The following SLC25A48 variants were observed in gnomAD, a reference collection of about 807,000 sequenced individuals.
The protein encoded by SLC25A48 is solute carrier family 25 member 48.
Under a neutral mutation model 32.2 loss-of-function variants are expected in SLC25A48, and 29 were observed. The observed-to-expected ratio is 0.90, with a 90% CI of 0.67 to 1.23. SLC25A48 has a LOEUF of 1.23. Ranked by LOEUF, SLC25A48 falls within the 50% of genes most tolerant of loss-of-function variation. The probability of loss-of-function intolerance (pLI) is 0.00; values close to 1 mark genes in which losing one functional copy is unlikely to be tolerated. For synonymous variants in SLC25A48, 164 were observed against 172.3 expected (o/e 0.95, Z 0.38); for missense variants, 399 against 422.7 (o/e 0.94, Z 0.49).
At chr5:135,743,075 T>C (rs1755547384) in intron 3 of SLC25A48, among the ~76,000 whole-genome samples, 6 of 9,894 alleles carry the variant, frequency 6.1e-4, no homozygotes, top group Non-Finnish European at 2.0e-3. Flanking sequence ...CTTCCCTTCA[T>C]TTTTTTTTTT....
At chr5:135,871,867 C>A in intron 5 of SLC25A48, 149 bp downstream of exon 5, 1 of 1,511,626 alleles carries the variant, frequency 6.6e-7, no homozygotes, top group Non-Finnish European at 8.9e-7. Context: ...CCTACTCTGT[C>A]CCCGGCCCTC....
chr5:135,785,443 T>G (rs1580876264), intron 3 of SLC25A48, among the ~76,000 whole-genome samples: 1 of 148,442 alleles, frequency 6.7e-6, no homozygotes, highest in Non-Finnish European at 1.5e-5. Context: ...CGGCGGGAGG[T>G]GGAACACCCC....
chr5:135,618,527 A>T (rs1752242402), intron 1 of SLC25A48, among the ~76,000 whole-genome samples: 1 of 151,584 alleles, frequency 6.6e-6, no homozygotes, highest in African/African-American at 2.4e-5. Flanking sequence ...TTGTGGTTTG[A>T]TGGTGTTCTG....
At chr5:135,855,909 CTTG>C (rs1760276706) in intron 4 of SLC25A48, among the ~76,000 whole-genome samples, 1 of 152,244 alleles carries the variant, frequency 6.6e-6, no homozygotes, top group African/African-American at 2.4e-5. Context: ...AGCTTCACTT[CTTG>C]TTGTGCGATG....
chr5:135,700,278 AG>A (rs1432303761), intron 3 of SLC25A48, among the ~76,000 whole-genome samples: 3 of 148,468 alleles, frequency 2.0e-5, no homozygotes, highest in African/African-American at 7.5e-5. Flanking sequence ...AGGCTGAGAC[AG>A]GAGAATTGCT....
chr5:135,735,734 G>C (rs4596379), intron 3 of SLC25A48, among the ~76,000 whole-genome samples: 41,942 of 152,016 alleles, frequency 0.28, 6,021 homozygotes, highest in East Asian at 0.45. Context: ...TGTGAATCTG[G>C]GGAGAGGGTA....
intron 3 of SLC25A48, among the ~76,000 whole-genome samples, chr5:135,731,376 G>C: frequency 6.6e-6 from 1 of 152,142 alleles, no homozygotes; most frequent in East Asian, 1.9e-4. Context: ...TGGGCTCAGA[G>C]GCATGACATT....
In SLC25A48 at chr5:135,874,073, C is replaced by T. The variant is rs1385053802; in HGVS notation, c.732C>T (p.Leu244=). ...ATPMDVVKSR[L]QADGVYLNKY... is the part of the protein sequence containing the mutation. ...CTATGGATGTCGTGAAAAGTCGACT[C>T]CAAGCTGATGGGGTTTATTTAAACA... is the stretch of plus-strand genomic sequence containing the variant. The change falls in exon 6 of 8, where the codon CTC becomes CTT. Residue 244 remains leucine, a synonymous_variant. Transcript: ENST00000681962. 1 of 1,529,890 alleles carries T rather than the reference C, an allele frequency of 6.5e-7. No individual in the cohort carries two copies. 94.8% of individuals were successfully genotyped at this position (1,529,890 alleles called of 1,614,324 possible). A position where few individuals can be genotyped will look rare whatever the true frequency, so the allele number is the denominator to read the frequency against.
rs527606103 is a variant in SLC25A48 at position 135,756,366 on chromosome 5, A to G, written c.-520-56157A>G. On this transcript the variant is annotated intron_variant, in intron 3 of 10. Coordinates refer to the SLC25A48 transcript ENST00000646290. Reference sequence around the variant, plus strand: ...ATATCATCTATATGATATTTACAATACCTAGTGATAACACACTATAATATT... The same window carrying G: ...ATATCATCTATATGATATTTACAATGCCTAGTGATAACACACTATAATATT... Among the ~76,000 whole-genome samples the G allele has an allele frequency of 2.0e-5, 3 of 152,252 alleles. No individual in the cohort carries two copies. In the South Asian group the frequency reaches 6.2e-4, roughly 32 times the overall value.
At chr5:135,585,840 C>T (rs1364627517) in intron 1 of SLC25A48, among the ~76,000 whole-genome samples, 1 of 152,022 alleles carries the variant, frequency 6.6e-6, no homozygotes, top group Admixed American at 6.5e-5. Flanking sequence ...AAACATGTTG[C>T]ACAGTATCTT....
intron 3 of SLC25A48, among the ~76,000 whole-genome samples, chr5:135,688,821 C>T (rs1230633963): frequency 1.3e-5 from 2 of 152,162 alleles, no homozygotes; most frequent in African/African-American, 4.8e-5. Context: ...CCACTCCAGC[C>T]TGGCTGAACC....
Position 135,871,751 on chromosome 5 carries a change from G to C in SLC25A48, c.679+33G>C, listed in dbSNP as rs765216806. On this transcript the variant is annotated intron_variant, in intron 5 of 7. Transcript: ENST00000681962. Reference sequence around the variant, plus strand: ...CAGCAGCAGCTGGAGCCGCACCCCTGTGCAGGCCACAGCAGTGGGACAGCT... The same window carrying C: ...CAGCAGCAGCTGGAGCCGCACCCCTCTGCAGGCCACAGCAGTGGGACAGCT... The C allele has an allele frequency of 1.6e-5, 26 of 1,609,644 alleles. No homozygotes were observed. The East Asian group carries it at 2.5e-4, about 15-fold the overall frequency.
At chr5:135,582,963 T>C in intron 1 of SLC25A48, among the ~76,000 whole-genome samples, 1 of 152,148 alleles carries the variant, frequency 6.6e-6, no homozygotes, top group East Asian at 1.9e-4. Context: ...TACATTTTCA[T>C]ATTTATTTGG....
chr5:135,883,446 A>G (rs1762610697), intron 7 of SLC25A48: 2 of 984,686 alleles, frequency 2.0e-6, no homozygotes, highest in South Asian at 4.7e-5. Context: ...AGCATTAAAA[A>G]CCTCTTCACA....
chr5:135,615,552 A>C (rs189755127), intron 1 of SLC25A48, among the ~76,000 whole-genome samples: 82 of 152,350 alleles, frequency 5.4e-4, no homozygotes, highest in African/African-American at 1.5e-3. Flanking sequence ...ATGCTCACAT[A>C]AATGAGCAAA....
chr5:135,689,540 T>C (rs888518771), intron 3 of SLC25A48, among the ~76,000 whole-genome samples: 3 of 152,210 alleles, frequency 2.0e-5, no homozygotes, highest in Non-Finnish European at 4.4e-5. Flanking sequence ...AAATGCTATA[T>C]CACAGAGTCC....
intron 3 of SLC25A48, among the ~76,000 whole-genome samples, chr5:135,746,045 GTCC>G (rs1280463426): frequency 1.3e-5 from 2 of 152,056 alleles, no homozygotes; most frequent in East Asian, 3.9e-4. Flanking sequence ...GCCTTCTACA[GTCC>G]TCCTCCCTGT....
rs1409432920 is a variant in SLC25A48 at position 135,780,500 on chromosome 5, G to A, written c.-520-32023G>A. Among the ~76,000 whole-genome samples, 28 of 116,580 alleles carry A rather than the reference G, an allele frequency of 2.4e-4. 4 individuals carry two copies. Among genetic ancestry groups the A allele is most frequent in the African/African-American group, 7.0e-4 (27 of 38,310 alleles). 76.5% of individuals were successfully genotyped at this position (116,580 alleles called of 152,430 possible). A position where few individuals can be genotyped will look rare whatever the true frequency, so the allele number is the denominator to read the frequency against. On this transcript the variant is annotated intron_variant, in intron 3 of 10. Transcript: ENST00000646290. Reference sequence around the variant, plus strand: ...AATATTTAGGAGAGGAGAGAAAGACGTCACTCCCAATATTCCAAGGGGTGT... The same window carrying A: ...AATATTTAGGAGAGGAGAGAAAGACATCACTCCCAATATTCCAAGGGGTGT...
At chr5:135,741,094 CTCAGTCT>C (rs1228649427) in intron 3 of SLC25A48, among the ~76,000 whole-genome samples, 2 of 152,198 alleles carry the variant, frequency 1.3e-5, no homozygotes, top group Non-Finnish European at 2.9e-5. Context: ...TGTCATCTCA[CTCAGTCT>C]TCAGAGTCCC....
Sources: allele counts gnomAD v4.1 joint callset (sites outside exome capture counted in the v4.1 genomes callset), GRCh38; gene constraint gnomAD v4.1.1; transcripts MANE v1.5; gene names NCBI Gene and HGNC (gene_info 2026-07-23, HGNC 2026-07-21).